Variants in RIN2 observed in about 807,000 individuals in gnomAD.
RIN2 encodes the protein Ras and Rab interactor 2, also known as RAB5 interacting protein 2.
Under a neutral mutation model 78.0 loss-of-function variants are expected in RIN2, and 36 were observed. The ratio of observed to expected loss-of-function variants is 0.46; its 90% CI spans 0.35 to 0.61. RIN2 has a LOEUF of 0.61. Among genes scored for constraint, RIN2 ranks in the 20% least tolerant of loss-of-function variants. RIN2 has a pLI of 0.00. For missense variants in RIN2, 1,087 were observed against 1,159.7 expected (o/e 0.94, Z 0.91); for synonymous variants, 466 against 466.8 (o/e 1.00, Z 0.02).
chr20:19,968,255 T>C lies in RIN2; in HGVS notation c.537-2583T>C, dbSNP rs437328. Among the ~76,000 whole-genome samples the C allele has an allele frequency of 6.4e-3, 974 of 152,368 alleles. 10 individuals are homozygous for C. Among genetic ancestry groups the C allele is most frequent in the African/African-American group, 0.023 (946 of 41,582 alleles). On this transcript the variant is annotated intron_variant, in intron 7 of 12. Transcript: ENST00000255006. ...CTGTAATTTAATAGTAGTTGCCCGA[T>C]GATCTTTGTCCCCTCCCCTTTAGAA...
intron 1 of RIN2, among the ~76,000 whole-genome samples, chr20:19,796,878 G>A (rs1295786964): frequency 6.6e-6 from 1 of 152,198 alleles, no homozygotes; most frequent in Non-Finnish European, 1.5e-5. Flanking sequence ...CATAAACTGA[G>A]ATTGTTGCAA....
chr20:19,867,741 T>C (rs1368019216), intron 2 of RIN2, among the ~76,000 whole-genome samples: 1 of 152,178 alleles, frequency 6.6e-6, no homozygotes, highest in Non-Finnish European at 1.5e-5. Flanking sequence ...CCAGCTCCAA[T>C]AGTTTAGTTA....
intron 1 of RIN2, among the ~76,000 whole-genome samples, chr20:19,774,871 T>C (rs2034259514): frequency 1.3e-5 from 2 of 152,180 alleles, no homozygotes; most frequent in South Asian, 4.1e-4. Context: ...ATTCAGAAAC[T>C]GGTCCCTGGC....
intron 2 of RIN2, among the ~76,000 whole-genome samples, chr20:19,876,080 G>A (rs926317626): frequency 6.6e-6 from 1 of 152,208 alleles, no homozygotes; most frequent in Non-Finnish European, 1.5e-5. Context: ...GTCTGCACTG[G>A]AAGCTAAATT....
intron 3 of RIN2, among the ~76,000 whole-genome samples, chr20:19,918,347 A>G (rs1452436359): frequency 7.3e-6 from 1 of 136,696 alleles, no homozygotes; most frequent in Non-Finnish European, 1.5e-5. Flanking sequence ...CTCTCATACA[A>G]ATACATTGTG....
chr20:19,883,711 A>G (rs6046408), intron 2 of RIN2, among the ~76,000 whole-genome samples: 152,114 of 152,118 alleles, frequency 1, 76,055 homozygotes, highest in Middle Eastern at 1. Context: ...ATGGCCAGTA[A>G]CTACATGGGC....
chr20:19,848,236 AAAAAGAGCAGG>A, intron 2 of RIN2, among the ~76,000 whole-genome samples: 1 of 152,138 alleles, frequency 6.6e-6, no homozygotes, highest in South Asian at 2.1e-4. Context: ...AAGTTGACTT[AAAAAGAGCAGG>A]GTCTCGGCCA....
chr20:19,949,550 G>A (rs902210631), intron 4 of RIN2, among the ~76,000 whole-genome samples: 1 of 152,202 alleles, frequency 6.6e-6, no homozygotes, highest in Non-Finnish European at 1.5e-5. Context: ...TATCTAGAAA[G>A]TTGTTCACTT....
At chr20:19,818,406 G>A (rs757232997) in intron 2 of RIN2, among the ~76,000 whole-genome samples, 1 of 152,184 alleles carries the variant, frequency 6.6e-6, no homozygotes, top group Non-Finnish European at 1.5e-5. Context: ...TGCATCACAA[G>A]TTCTTAAAAA....
chr20:19,844,642 CTTCTT>C (rs1568807406), intron 2 of RIN2, among the ~76,000 whole-genome samples: 6 of 134,200 alleles, frequency 4.5e-5, no homozygotes, highest in Admixed American at 7.6e-5. Flanking sequence ...TCTTCTTCTT[CTTCTT>C]CTTCTTCTTC....
chr20:19,937,875 T>C (rs1290459617), intron 4 of RIN2, among the ~76,000 whole-genome samples: 1 of 152,212 alleles, frequency 6.6e-6, no homozygotes, highest in Non-Finnish European at 1.5e-5. Flanking sequence ...AAATCACAGG[T>C]CGTGATACTA....
chr20:19,954,471 G>C (rs1455574533), intron 4 of RIN2, among the ~76,000 whole-genome samples: 1 of 152,188 alleles, frequency 6.6e-6, no homozygotes, highest in East Asian at 1.9e-4. Flanking sequence ...TTTGGTAAAG[G>C]GTGAGAGAAC....
rs928534150 is a variant in RIN2, at chr20:19,925,114, A to C, written c.58-9985A>C. On this transcript the variant is annotated intron_variant, in intron 3 of 12. Coordinates refer to ENST00000255006, the MANE Select transcript of RIN2 (RefSeq NM_018993.4). Reference sequence around the variant, plus strand: ...AATTTGTGGAAAAAAAAAAAAAAAAAGCTGTCCTCTGGGCACATTCCTTAG... The same window carrying C: ...AATTTGTGGAAAAAAAAAAAAAAAACGCTGTCCTCTGGGCACATTCCTTAG... Among the ~76,000 whole-genome samples, 446 of 140,644 alleles carry C rather than the reference A, an allele frequency of 3.2e-3. 2 individuals are homozygous for C. Among genetic ancestry groups the C allele is most frequent in the African/African-American group, 0.011 (425 of 37,706 alleles). The allele number at this position is 140,644 out of a possible 152,430, so 92.3% of individuals were successfully genotyped here.
chr20:19,832,448 T>TA (rs1317251496), intron 2 of RIN2, among the ~76,000 whole-genome samples: 1 of 150,158 alleles, frequency 6.7e-6, no homozygotes, highest in Admixed American at 6.7e-5. Context: ...TTGGAAATAG[T>TA]AAAAAAGACT....
chr20:19,865,660 AT>A (rs895017580), intron 2 of RIN2, among the ~76,000 whole-genome samples: 1 of 151,546 alleles, frequency 6.6e-6, no homozygotes, highest in African/African-American at 2.4e-5. Flanking sequence ...GCTAATTTTT[AT>A]TTTTTATTTT....
At chr20:19,905,166 C>T (rs927650682) in intron 3 of RIN2, among the ~76,000 whole-genome samples, 1 of 152,126 alleles carries the variant, frequency 6.6e-6, no homozygotes, top group Non-Finnish European at 1.5e-5. Context: ...CTTCTCTGCC[C>T]CGATTCAGAA....
chr20:19,780,660 AAC>A (rs2034469963), intron 1 of RIN2, among the ~76,000 whole-genome samples: 1 of 152,308 alleles, frequency 6.6e-6, no homozygotes, highest in East Asian at 1.9e-4. Context: ...GGTGAATAAA[AAC>A]ACATGTTCTG....
intron 11 of RIN2, among the ~76,000 whole-genome samples, chr20:19,995,704 G>A (rs1204339011): frequency 2.0e-5 from 3 of 152,172 alleles, no homozygotes. Context: ...GTAAGAAAGG[G>A]AATCAAGGGA....
At chr20:19,839,433 A>T (rs1210031555) in intron 2 of RIN2, among the ~76,000 whole-genome samples, 1 of 152,212 alleles carries the variant, frequency 6.6e-6, no homozygotes, top group African/African-American at 2.4e-5. Flanking sequence ...GCAGATGAAG[A>T]CATGGAAACT....
Sources: allele counts gnomAD v4.1 joint callset (sites outside exome capture counted in the v4.1 genomes callset), GRCh38; gene constraint gnomAD v4.1.1; transcripts MANE v1.5; gene names NCBI Gene and HGNC (gene_info 2026-07-23, HGNC 2026-07-21).